The following SEC24B variants were observed in gnomAD, a reference collection of about 807,000 sequenced individuals.
The protein encoded by SEC24B is SEC24 homolog B, COPII component, also known as protein transport protein Sec24B.
SEC24B carries 45 observed loss-of-function variants against 142.8 expected under a neutral mutation model. That is an observed-to-expected ratio of 0.32 (90% CI 0.25 to 0.40). The LOEUF (loss-of-function observed/expected upper bound fraction) is 0.40. Among genes scored for constraint, SEC24B ranks in the 10% least tolerant of loss-of-function variants. The pLI, the probability that SEC24B is intolerant of heterozygous loss-of-function variation, is 1.00. For synonymous variants in SEC24B, 574 were observed against 568.2 expected, an observed-to-expected ratio of 1.01 and a Z score of -0.15; for missense variants, 1,409 against 1,526.8, an observed-to-expected ratio of 0.92 and a Z score of 1.29.
chr4:109,533,539 G>T (rs1240713626), intron 21 of SEC24B, 54 bp from the exon 22 acceptor site: 2 of 1,090,854 alleles, frequency 1.8e-6, no homozygotes, highest in African/African-American at 3.1e-5. Flanking sequence ...GAACATTAAT[G>T]AAAATGAATT....
intron 1 of SEC24B, among the ~76,000 whole-genome samples, chr4:109,455,144 A>AG (rs1480463918): frequency 1.3e-5 from 2 of 152,216 alleles, no homozygotes; most frequent in Non-Finnish European, 2.9e-5. Context: ...CAGAGGGCCA[A>AG]GGGGAGCTGC....
chr4:109,486,029 G>A (rs1371727170), intron 4 of SEC24B, among the ~76,000 whole-genome samples: 3 of 152,196 alleles, frequency 2.0e-5, no homozygotes, highest in Non-Finnish European at 4.4e-5. Flanking sequence ...CTATCAGGAG[G>A]TATCTGTCTT....
intron 17 of SEC24B, 131 bp downstream of exon 17, chr4:109,526,530 C>G (rs890985435): frequency 5.2e-6 from 3 of 579,770 alleles, no homozygotes; most frequent in African/African-American, 1.9e-5. Context: ...GTTAATCAAA[C>G]ATATGTTGTT....
rs1329840781 is a variant in SEC24B, at chr4:109,491,494, TAGC to T, written c.1246+90_1246+92del. On this transcript the variant is annotated intron_variant, in intron 5 of 23. Transcript: ENST00000265175. ...AAATGTGAACATGTATTACACATAATAGCAGGCTATATTTTTAACAAGAAAAAA... is the reference window on the plus strand; with the variant it reads ...AAATGTGAACATGTATTACACATAATAGGCTATATTTTTAACAAGAAAAAA... 8.1e-5 allele frequency: 75 copies of T among 927,606 alleles called. 1 individual carries two copies. In the East Asian group the frequency reaches 8.8e-4, roughly 11 times the overall value. The allele number at this position is 927,606 out of a possible 1,614,324, so 57.5% of individuals were successfully genotyped here.
intron 1 of SEC24B, among the ~76,000 whole-genome samples, chr4:109,434,269 T>G (rs1396616980): frequency 6.6e-6 from 1 of 151,980 alleles, no homozygotes; most frequent in Non-Finnish European, 1.5e-5. Flanking sequence ...CCGTGGCTGT[T>G]TATGTAATGC....
chr4:109,448,371 C>G lies in SEC24B; in HGVS notation c.133+14369C>G, dbSNP rs562680782. ...TGGTGTGTCATACAATTTAATAGGT[C>G]ATTTCCAGTACCTTTTTCTACTGAT... On this transcript the variant is annotated intron_variant, in intron 1 of 23. Transcript: ENST00000265175. Among the ~76,000 whole-genome samples, 15 of 152,158 alleles carry G rather than the reference C, an allele frequency of 9.9e-5. No individual in the cohort carries two copies. In the South Asian group the frequency reaches 3.1e-3, roughly 32 times the overall value.
At chr4:109,503,558 A>G (rs1270599352) in intron 6 of SEC24B, among the ~76,000 whole-genome samples, 3 of 151,730 alleles carry the variant, frequency 2.0e-5, no homozygotes, top group Non-Finnish European at 4.4e-5. Flanking sequence ...TAGGGTTTCA[A>G]CATGTTGGCC....
rs557744649 is a variant in SEC24B at position 109,445,732 on chromosome 4, G to A, written c.133+11730G>A. On this transcript the variant is annotated intron_variant, in intron 1 of 23. Transcript: ENST00000265175. ...TACAGGCACAAACCACCACACCTGC[G>A]TAATTTTTTATTTCATGTTTGTAGA... Among the ~76,000 whole-genome samples the A allele has an allele frequency of 2.0e-3, 309 of 151,206 alleles. 3 individuals are homozygous for A. Among genetic ancestry groups the A allele is most frequent in the African/African-American group, 6.8e-3 (282 of 41,206 alleles).
intron 1 of SEC24B, among the ~76,000 whole-genome samples, chr4:109,455,152 T>A (rs1414521798): frequency 6.6e-6 from 1 of 152,222 alleles, no homozygotes; most frequent in African/African-American, 2.4e-5. Flanking sequence ...CAAGGGGAGC[T>A]GCCCCTTTGG....
chr4:109,492,102 T>C (rs546331862), intron 5 of SEC24B, among the ~76,000 whole-genome samples: 1 of 152,138 alleles, frequency 6.6e-6, no homozygotes, highest in Non-Finnish European at 1.5e-5. Context: ...TCTTATCTCT[T>C]TGTTGATGAT....
At chr4:109,519,543 G>A (rs760647517) in intron 11 of SEC24B, among the ~76,000 whole-genome samples, 39 of 152,182 alleles carry the variant, frequency 2.6e-4, no homozygotes, top group Non-Finnish European at 4.7e-4. Flanking sequence ...GCTTGGAGTA[G>A]GTCAGTAGTC....
intron 22 of SEC24B, among the ~76,000 whole-genome samples, chr4:109,535,833 CAG>C (rs1435166206): frequency 6.7e-6 from 1 of 150,092 alleles, no homozygotes; most frequent in African/African-American, 2.5e-5. Flanking sequence ...GCCTGGGTGA[CAG>C]AGCAAGACTC....
intron 18 of SEC24B, among the ~76,000 whole-genome samples, chr4:109,527,973 A>G (rs925447905): frequency 6.6e-6 from 1 of 152,222 alleles, no homozygotes; most frequent in Non-Finnish European, 1.5e-5. Flanking sequence ...TTCAAATAAT[A>G]TATGCACAAT....
chr4:109,528,609 A>T (rs977751008), intron 18 of SEC24B, among the ~76,000 whole-genome samples: 1 of 152,154 alleles, frequency 6.6e-6, no homozygotes, highest in Non-Finnish European at 1.5e-5. Flanking sequence ...TGATTGTGGT[A>T]GAGATTACAT....
chr4:109,531,290 C>G (rs1306440729), intron 19 of SEC24B, 95 bp from the exon 20 acceptor site: 5 of 1,046,638 alleles, frequency 4.8e-6, no homozygotes, highest in Non-Finnish European at 5.6e-6. Context: ...GATTTAAAGG[C>G]CATGCTTTTT....
At chr4:109,481,825 A>G (rs1377374822) in intron 4 of SEC24B, 44 bp downstream of exon 4, 10 of 1,475,486 alleles carry the variant, frequency 6.8e-6, no homozygotes, top group Admixed American at 1.8e-5. Context: ...TTCCTGCTCA[A>G]GTTTTCTTTT....
At chr4:109,443,071 G>A (rs1209992698) in intron 1 of SEC24B, among the ~76,000 whole-genome samples, 1 of 152,060 alleles carries the variant, frequency 6.6e-6, no homozygotes, top group Non-Finnish European at 1.5e-5. Flanking sequence ...GTATTTCCCT[G>A]CTCCATTCCC....
chr4:109,440,645 G>A (rs550902505), intron 1 of SEC24B, among the ~76,000 whole-genome samples: 1 of 152,230 alleles, frequency 6.6e-6, no homozygotes, highest in East Asian at 1.9e-4. Context: ...ATTTAATAAG[G>A]TACTATTTTT....
Position 109,433,899 on chromosome 4 carries a change from G to C in SEC24B, c.30G>C (p.Pro10=). The change falls in exon 1 of 24, where the codon CCG becomes CCC. Residue 10 remains proline, a synonymous_variant. Transcript: ENST00000265175. MSAPAGSSH[P]AASARIPPKF... The stretch of plus-strand genomic sequence containing the variant: ...CGGCCCCCGCCGGGTCCTCTCACCC[G>C]GCCGCCAGCGCCCGGATCCCGCCCA... 8 of 1,340,622 alleles carry C rather than the reference G, an allele frequency of 6.0e-6. No individual in the cohort carries two copies. The highest frequency in any genetic ancestry group is 7.7e-6 in the Non-Finnish European group (8 of 1,042,656). 83.0% of individuals were successfully genotyped at this position (1,340,622 alleles called of 1,614,324 possible).
Sources: gnomAD v4.1 joint callset for allele counts (sites outside exome capture counted in the v4.1 genomes callset) on GRCh38, gnomAD v4.1.1 for gene constraint, MANE v1.5 for transcripts, NCBI Gene and HGNC (gene_info 2026-07-23, HGNC 2026-07-21) for gene names.